PRKAG2: variants seen among roughly 807,000 people sequenced by gnomAD.
PRKAG2 encodes the protein protein kinase AMP-activated non-catalytic subunit gamma 2.
In PRKAG2, 26 loss-of-function variants were observed where a neutral mutation model predicts 69.6. That is an observed-to-expected ratio of 0.37 (90% CI 0.27 to 0.52). The LOEUF (loss-of-function observed/expected upper bound fraction) is 0.52. Among genes scored for constraint, PRKAG2 ranks in the 20% least tolerant of loss-of-function variants. PRKAG2 has a pLI of 0.90. For missense variants in PRKAG2, 557 were observed against 740.0 expected (o/e 0.75, Z 2.87); for synonymous variants, 293 against 285.0 (o/e 1.03, Z -0.28).
intron 1 of PRKAG2, among the ~76,000 whole-genome samples, chr7:151,846,710 T>G (rs1378698525): frequency 6.6e-6 from 1 of 151,966 alleles, no homozygotes; most frequent in African/African-American, 2.4e-5. Context: ...GTAGATAAAG[T>G]GAGTATTCTT....
chr7:151,730,649 G>A (rs1798776400), intron 3 of PRKAG2, among the ~76,000 whole-genome samples: 1 of 152,140 alleles, frequency 6.6e-6, no homozygotes, highest in African/African-American at 2.4e-5. Context: ...TGAGGACTAT[G>A]AGGGGTGAGG....
At chr7:151,670,287 CT>C (rs1490318225) in intron 4 of PRKAG2, among the ~76,000 whole-genome samples, 1 of 152,186 alleles carries the variant, frequency 6.6e-6, no homozygotes, top group African/African-American at 2.4e-5. Context: ...GGAATCACCC[CT>C]GATTTGTCTC....
chr7:151,831,071 G>A (rs1420826155), intron 1 of PRKAG2, among the ~76,000 whole-genome samples: 1 of 152,088 alleles, frequency 6.6e-6, no homozygotes, highest in Non-Finnish European at 1.5e-5. Context: ...ACATAAGAGA[G>A]ACAATTACAA....
At chr7:151,751,696 T>A (rs1419797508) in intron 3 of PRKAG2, among the ~76,000 whole-genome samples, 5 of 151,442 alleles carry the variant, frequency 3.3e-5, no homozygotes, top group African/African-American at 7.3e-5. Flanking sequence ...TTTGTTTGTT[T>A]GTTTGTTTGG....
At chr7:151,842,622 T>C (rs1018024507) in intron 1 of PRKAG2, among the ~76,000 whole-genome samples, 15 of 98,524 alleles carry the variant, frequency 1.5e-4, no homozygotes, top group Admixed American at 3.2e-4. Flanking sequence ...TAGGTAGTGA[T>C]GATGGTAGCG....
chr7:151,631,852 G>T (rs1312549056), intron 5 of PRKAG2: 3 of 498,128 alleles, frequency 6.0e-6, no homozygotes, highest in Admixed American at 2.4e-5. Context: ...CTGGGAGCCT[G>T]GCTCGCGTCC....
intron 3 of PRKAG2, among the ~76,000 whole-genome samples, chr7:151,681,415 T>C (rs1191338334): frequency 1.3e-5 from 2 of 152,030 alleles, no homozygotes; most frequent in Non-Finnish European, 2.9e-5. Context: ...AGGGAAACTT[T>C]TAGAGGAAGG....
chr7:151,568,894 C>T (rs753857642), intron 10 of PRKAG2, 52 bp from the exon 11 acceptor site: 4 of 1,603,012 alleles, frequency 2.5e-6, no homozygotes, highest in Non-Finnish European at 2.6e-6. Flanking sequence ...AAAATCAGAA[C>T]ACTTTGGACT....
intron 1 of PRKAG2, among the ~76,000 whole-genome samples, chr7:151,794,806 C>T (rs1188967950): frequency 6.6e-6 from 1 of 152,250 alleles, no homozygotes; most frequent in African/African-American, 2.4e-5. Flanking sequence ...TGGCCGCTGC[C>T]AGAGTCTCCG....
At chr7:151,672,376 T>A (rs1268099969) in intron 4 of PRKAG2, among the ~76,000 whole-genome samples, 1 of 152,192 alleles carries the variant, frequency 6.6e-6, no homozygotes, top group East Asian at 1.9e-4. Context: ...ATTACAGGCG[T>A]GAGCCACTGC....
At chr7:151,744,297 C>T (rs1341949108) in intron 3 of PRKAG2, among the ~76,000 whole-genome samples, 1 of 152,210 alleles carries the variant, frequency 6.6e-6, no homozygotes, top group Non-Finnish European at 1.5e-5. Flanking sequence ...ACATGTTGTC[C>T]CACTAACGTG....
At chr7:151,656,480 CA>C (rs1422329050) in intron 4 of PRKAG2, among the ~76,000 whole-genome samples, 2 of 152,104 alleles carry the variant, frequency 1.3e-5, no homozygotes, top group Non-Finnish European at 2.9e-5. Flanking sequence ...CGCTTGAATC[CA>C]GGAGGTGGAG....
chr7:151,803,849 A>C (rs1586608001), intron 1 of PRKAG2, among the ~76,000 whole-genome samples: 1 of 151,604 alleles, frequency 6.6e-6, no homozygotes, highest in Non-Finnish European at 1.5e-5. Flanking sequence ...GAGGCAGGAG[A>C]ATCATTTGAA....
chr7:151,658,249 A>G (rs1443646507), intron 4 of PRKAG2, among the ~76,000 whole-genome samples: 1 of 151,654 alleles, frequency 6.6e-6, no homozygotes, highest in Admixed American at 6.6e-5. Context: ...GCACTTTGGG[A>G]GGCTGAGGCG....
intron 3 of PRKAG2, among the ~76,000 whole-genome samples, chr7:151,715,348 A>AAAAAAAT (rs1796011995): frequency 7.8e-6 from 1 of 128,418 alleles, no homozygotes; most frequent in East Asian, 2.6e-4. Flanking sequence ...AAAAAAAAAA[A>AAAAAAAT]TTATTATTAT....
intron 1 of PRKAG2, among the ~76,000 whole-genome samples, chr7:151,869,829 C>G (rs13240743): frequency 0.4 from 61,368 of 152,120 alleles, 12,650 homozygotes; most frequent in Middle Eastern, 0.56. Context: ...ACAGGCCAGT[C>G]TGAGGACCCC....
intron 5 of PRKAG2, among the ~76,000 whole-genome samples, chr7:151,615,454 T>C (rs1819887025): frequency 1.3e-5 from 2 of 152,218 alleles, no homozygotes; most frequent in South Asian, 4.1e-4. Flanking sequence ...TTGAAAATTA[T>C]AATAACCTGG....
At position 151,777,697 on chromosome 7, in the gene PRKAG2, C is replaced by T. The variant is rs1215610285; in HGVS notation, c.466+3455G>A. Reference sequence around the variant, plus strand: ...GCATCCAGCCTCACAGGCTGGCTGGCTTTGCTCATTACCTGGGCGGAGGCC... The same window carrying T: ...GCATCCAGCCTCACAGGCTGGCTGGTTTTGCTCATTACCTGGGCGGAGGCC... On this transcript the variant is annotated intron_variant, in intron 3 of 15. Transcript: ENST00000287878. The surrounding 1 kb of genome is among the most constrained non-coding windows in gnomAD (Gnocchi z 4.3). 6.6e-6 allele frequency among the ~76,000 whole-genome samples: 1 copy of T among 152,212 alleles called. No individual in the cohort carries two copies. Among genetic ancestry groups the T allele is most frequent in the Non-Finnish European group, 1.5e-5 (1 of 68,040 alleles).
intron 3 of PRKAG2, chr7:151,736,241 G>A (rs1196773295): frequency 7.4e-6 from 10 of 1,359,238 alleles, no homozygotes; most frequent in Admixed American, 3.0e-5. Context: ...CCGTCCTGAC[G>A]GGGCTGCACC....
Sources: allele counts gnomAD v4.1 joint callset (sites outside exome capture counted in the v4.1 genomes callset), GRCh38; gene constraint gnomAD v4.1.1; non-coding constraint Gnocchi (gnomAD v3.1); transcripts MANE v1.5; gene names NCBI Gene and HGNC (gene_info 2026-07-23, HGNC 2026-07-21).